Variants in DIP2C observed in about 807,000 individuals in gnomAD.
DIP2C encodes the protein DIP2 acetate--CoA ligase C (putative).
In DIP2C, 33 loss-of-function variants were observed where a neutral mutation model predicts 192.4. The ratio of observed to expected loss-of-function variants is 0.17; its 90% CI spans 0.13 to 0.23. DIP2C has a LOEUF of 0.23. DIP2C is among the 10% of genes least tolerant of loss of function. DIP2C has a pLI of 1.00. For synonymous variants in DIP2C, 979 were observed against 864.1 expected (o/e 1.13, Z -2.33); for missense variants, 1,537 against 2,110.1 (o/e 0.73, Z 5.32).
At chr10:482,145 C>A (rs1244955321) in intron 2 of DIP2C, among the ~76,000 whole-genome samples, 1 of 152,186 alleles carries the variant, frequency 6.6e-6, no homozygotes, top group East Asian at 1.9e-4. Flanking sequence ...GCCAAGTGCA[C>A]GGCCTGAGCA....
chr10:644,034 A>G (rs1451994568), intron 1 of DIP2C, among the ~76,000 whole-genome samples: 1 of 152,262 alleles, frequency 6.6e-6, no homozygotes, highest in Non-Finnish European at 1.5e-5. Context: ...ACACTCAGAC[A>G]CAAGGTGGCT....
chr10:496,953 T>A (rs1462362809), intron 1 of DIP2C, among the ~76,000 whole-genome samples: 1 of 152,146 alleles, frequency 6.6e-6, no homozygotes, highest in East Asian at 1.9e-4. Flanking sequence ...TGAAACTCCA[T>A]CTCTAGTAAA....
At chr10:379,604 C>T (rs1207808479) in intron 17 of DIP2C, among the ~76,000 whole-genome samples, 1 of 152,190 alleles carries the variant, frequency 6.6e-6, no homozygotes, top group African/African-American at 2.4e-5. Context: ...TCTGATTTAT[C>T]TACTTTTTTG....
intron 1 of DIP2C, among the ~76,000 whole-genome samples, chr10:661,725 C>T (rs1856773754): frequency 6.6e-6 from 1 of 152,216 alleles, no homozygotes; most frequent in African/African-American, 2.4e-5. Context: ...CACACTCTGG[C>T]TCCTTGACCT....
intron 9 of DIP2C, 24 bp downstream of exon 9, chr10:408,902 T>G: frequency 6.2e-7 from 1 of 1,611,994 alleles, no homozygotes. Context: ...GTTTTGTAGA[T>G]CCAGCAGTTT....
intron 1 of DIP2C, among the ~76,000 whole-genome samples, chr10:609,553 G>A (rs143777150): frequency 2.0e-3 from 309 of 152,194 alleles, no homozygotes; most frequent in African/African-American, 7.2e-3. Flanking sequence ...AAAAAACAAT[G>A]TAAGTCATCT....
At chr10:648,837 G>A (rs536225476) in intron 1 of DIP2C, among the ~76,000 whole-genome samples, 10 of 150,082 alleles carry the variant, frequency 6.7e-5, no homozygotes, top group South Asian at 4.3e-4. Context: ...CACATTTGAC[G>A]GTGGGCGAGA....
chr10:514,926 T>G (rs1846254887), intron 1 of DIP2C, among the ~76,000 whole-genome samples: 1 of 152,194 alleles, frequency 6.6e-6, no homozygotes, highest in Non-Finnish European at 1.5e-5. Context: ...GCTAAGCAAC[T>G]TCAGTAGTAG....
In DIP2C at chr10:428,544, G is replaced by A. The variant is rs193098933; in HGVS notation, c.395-5511C>T. ...TTCAAATGCTTCTCTGGAGTGTAAC[G>A]TGTCTTTTTCTTCGGAGTCCTTTCA... On this transcript the variant is annotated intron_variant, in intron 4 of 36. Transcript: ENST00000280886. 2.0e-3 allele frequency among the ~76,000 whole-genome samples: 303 copies of A among 152,198 alleles called. 1 individual carries two copies. The highest frequency in any genetic ancestry group is 7.1e-3 in the African/African-American group (295 of 41,508).
At position 415,982 on chromosome 10, in the gene DIP2C, G is replaced by A. The variant is rs894499538; in HGVS notation, c.740-94C>T. On this transcript the variant is annotated intron_variant, in intron 6 of 36. Coordinates refer to ENST00000280886, the MANE Select transcript of DIP2C (RefSeq NM_014974.3). Reference sequence around the variant, plus strand: ...AGTCCCACAGCCCCCTCCCCAGCGCGGCTACAACAGGCTGCATCCTAGATG... The same window carrying A: ...AGTCCCACAGCCCCCTCCCCAGCGCAGCTACAACAGGCTGCATCCTAGATG... 4.7e-5 allele frequency: 74 copies of A among 1,562,406 alleles called. No individual in the cohort carries two copies. The East Asian group carries it at 5.2e-4, about 11-fold the overall frequency.
At chr10:467,267 A>T (rs1445609252) in intron 3 of DIP2C, among the ~76,000 whole-genome samples, 1 of 152,018 alleles carries the variant, frequency 6.6e-6, no homozygotes, top group Non-Finnish European at 1.5e-5. Context: ...CATTCTCAGT[A>T]AACTATCGCA....
chr10:643,914 G>C (rs949158395), intron 1 of DIP2C, among the ~76,000 whole-genome samples: 44 of 152,358 alleles, frequency 2.9e-4, no homozygotes, highest in African/African-American at 1.0e-3. Flanking sequence ...AGGAAAAAGT[G>C]TATGGAAGAG....
intron 3 of DIP2C, among the ~76,000 whole-genome samples, chr10:463,487 AAGAAG>A (rs767971430): frequency 3.3e-5 from 5 of 152,226 alleles, no homozygotes; most frequent in Admixed American, 6.5e-5. Context: ...TGCTCAAGGA[AAGAAG>A]AGAAGACACA....
intron 1 of DIP2C, among the ~76,000 whole-genome samples, chr10:533,053 TCC>T (rs1305502992): frequency 6.6e-6 from 1 of 152,066 alleles, no homozygotes; most frequent in Non-Finnish European, 1.5e-5. Context: ...TTACTGAGTT[TCC>T]CACATAAACC....
intron 10 of DIP2C, among the ~76,000 whole-genome samples, chr10:396,746 G>A (rs1416483887): frequency 6.6e-6 from 1 of 151,682 alleles, no homozygotes. Flanking sequence ...TGAAGACCAT[G>A]GGACCCAGGG....
intron 1 of DIP2C, among the ~76,000 whole-genome samples, chr10:527,958 G>A (rs1847155190): frequency 6.6e-6 from 1 of 152,134 alleles, no homozygotes; most frequent in Non-Finnish European, 1.5e-5. Context: ...TGTAGATTAG[G>A]TAAATGATGG....
At chr10:352,964 G>A (rs1958895097) in intron 24 of DIP2C, among the ~76,000 whole-genome samples, 1 of 152,136 alleles carries the variant, frequency 6.6e-6, no homozygotes, top group South Asian at 2.1e-4. Context: ...AGAATGTGAT[G>A]CATTCTCGGC....
At chr10:369,467 T>A (rs1176542872) in intron 18 of DIP2C, 27 bp downstream of exon 18, 2 of 1,501,324 alleles carry the variant, frequency 1.3e-6, no homozygotes, top group Non-Finnish European at 1.8e-6. Context: ...AACTGGTTAA[T>A]CTGTGCAGCT....
chr10:591,209 G>A (rs577704596), intron 1 of DIP2C, among the ~76,000 whole-genome samples: 1 of 151,996 alleles, frequency 6.6e-6, no homozygotes, highest in Non-Finnish European at 1.5e-5. Flanking sequence ...TGCAACCTCT[G>A]CACCTTCCCG....
Sources: gnomAD v4.1 joint callset for allele counts (sites outside exome capture counted in the v4.1 genomes callset) on GRCh38, gnomAD v4.1.1 for gene constraint, MANE v1.5 for transcripts, NCBI Gene and HGNC (gene_info 2026-07-23, HGNC 2026-07-21) for gene names.